Variants in AHDC1 observed in about 807,000 individuals in gnomAD.
AHDC1 encodes transcription factor Gibbin.
AHDC1 carries 7 observed loss-of-function variants against 87.9 expected under a neutral mutation model. The observed-to-expected ratio is 0.08, with a 90% CI of 0.05 to 0.15. The LOEUF (loss-of-function observed/expected upper bound fraction) is 0.15. Ranked by LOEUF, AHDC1 falls within the 10% of genes least tolerant of loss-of-function variation. The probability of loss-of-function intolerance (pLI) is 1.00; values close to 1 mark genes in which losing one functional copy is unlikely to be tolerated. For synonymous variants in AHDC1, 1,051 were observed against 1,006.8 expected (o/e 1.04, Z -0.83); for missense variants, 1,841 against 2,253.2 (o/e 0.82, Z 3.70).
rs2019447889 is a variant in AHDC1 at position 27,550,071 on chromosome 1, T to C, written c.2045A>G (p.His682Arg). Residue 682 changes from histidine (H) to arginine (R), a missense_variant, in exon 8 of 9, where the codon CAT becomes CGT. This residue lies in a region of AHDC1 where 236 missense variants were observed against 257.9 expected (regional missense o/e 0.92). Coordinates refer to ENST00000673934, the MANE Select transcript of AHDC1 (RefSeq NM_001371928.1). ...AGGFGGRGGG[H>R]AAKSARCSFS... is the part of the protein sequence containing the mutation. Reference sequence around the variant, plus strand: ...GGAGCATCGGGCTGACTTGGCCGCATGGCCCCCACCCCGGCCACCAAAACC... The same window carrying C: ...GGAGCATCGGGCTGACTTGGCCGCACGGCCCCCACCCCGGCCACCAAAACC... 4 of 1,607,478 alleles carry C rather than the reference T, an allele frequency of 2.5e-6. No homozygotes were observed. The highest frequency in any genetic ancestry group is 3.4e-6 in the Non-Finnish European group (4 of 1,176,552).
chr1:27,576,269 G>A (rs970337717), intron 3 of AHDC1, among the ~76,000 whole-genome samples: 2 of 152,164 alleles, frequency 1.3e-5, no homozygotes, highest in Non-Finnish European at 2.9e-5. Context: ...TTTGTTTGCT[G>A]TGTGCCTCTC....
intron 3 of AHDC1, among the ~76,000 whole-genome samples, chr1:27,573,412 G>A (rs992868867): frequency 2.1e-4 from 32 of 152,204 alleles, no homozygotes; most frequent in African/African-American, 7.2e-4. Flanking sequence ...AAAGACACTG[G>A]GGAGTAGGGT....
At chr1:27,557,431 C>T (rs1472397114) in intron 5 of AHDC1, among the ~76,000 whole-genome samples, 2 of 152,014 alleles carry the variant, frequency 1.3e-5, no homozygotes, top group Non-Finnish European at 2.9e-5. Flanking sequence ...CCCCGCTCCC[C>T]GCCCAGGTCT....
At chr1:27,552,368 T>G in intron 7 of AHDC1, 179 bp from the exon 8 acceptor site, 3 of 470,678 alleles carry the variant, frequency 6.4e-6, no homozygotes, top group Non-Finnish European at 6.8e-6. Flanking sequence ...AACCACCATG[T>G]GTATAGTGAG....
intron 3 of AHDC1, among the ~76,000 whole-genome samples, chr1:27,602,558 C>T (rs1221902139): frequency 6.6e-6 from 1 of 152,144 alleles, no homozygotes; most frequent in Non-Finnish European, 1.5e-5. Flanking sequence ...CCAGACCCAG[C>T]AGGGGAAGGC....
intron 3 of AHDC1, among the ~76,000 whole-genome samples, chr1:27,585,975 G>A (rs1057468782): frequency 7.2e-5 from 11 of 152,166 alleles, no homozygotes; most frequent in Middle Eastern, 3.2e-3. Flanking sequence ...TCATACCCCC[G>A]GATATGTCCA....
At chr1:27,594,616 G>A (rs1259057509) in intron 3 of AHDC1, among the ~76,000 whole-genome samples, 1 of 152,198 alleles carries the variant, frequency 6.6e-6, no homozygotes, top group African/African-American at 2.4e-5. Flanking sequence ...AAGGCCTGGG[G>A]CGGTGAAGGG....
intron 3 of AHDC1, among the ~76,000 whole-genome samples, chr1:27,589,315 G>A (rs1441883379): frequency 6.6e-6 from 1 of 152,188 alleles, no homozygotes; most frequent in Non-Finnish European, 1.5e-5. Flanking sequence ...GCACGCCTGT[G>A]CTCGTGTGAG....
In AHDC1 at chr1:27,602,168, C is replaced by CGGG. The variant is rs1306387481; in HGVS notation, c.-629+1228_-629+1229insCCC. On this transcript the variant is annotated intron_variant, in intron 3 of 8. Transcript: ENST00000673934. ...GCACCAGGCTCAGCCCCTCCCAGCC[C>CGGG]AGCCCCAGGGCCCCCAAGCTGGGAG... Among the ~76,000 whole-genome samples the CGGG allele has an allele frequency of 5.9e-5, 9 of 152,262 alleles. No individual in the cohort carries two copies. In the East Asian group the frequency reaches 1.7e-3, roughly 29 times the overall value.
At chr1:27,542,329 G>C (rs2018963110) in intron 8 of AHDC1, among the ~76,000 whole-genome samples, 1 of 152,192 alleles carries the variant, frequency 6.6e-6, no homozygotes, top group South Asian at 2.1e-4. Context: ...AGAACTAGGT[G>C]CTATCACAAA....
intron 8 of AHDC1, among the ~76,000 whole-genome samples, chr1:27,542,653 G>C (rs2018981291): frequency 2.6e-5 from 4 of 152,242 alleles, no homozygotes; most frequent in Admixed American, 2.0e-4. Context: ...GACTCACCAG[G>C]TCACCTAGCT....
At chr1:27,594,890 GCTGT>G (rs1297019206) in intron 3 of AHDC1, among the ~76,000 whole-genome samples, 5 of 152,092 alleles carry the variant, frequency 3.3e-5, no homozygotes, top group Admixed American at 6.5e-5. Flanking sequence ...ACTAGCTGAG[GCTGT>G]CTTTGTGTAC....
At chr1:27,536,112 C>T (rs1199729481) in intron 8 of AHDC1, among the ~76,000 whole-genome samples, 2 of 152,184 alleles carry the variant, frequency 1.3e-5, no homozygotes, top group Admixed American at 1.3e-4. Context: ...TCCCCCACAC[C>T]AGCAGGAATC....
Position 27,552,141 on chromosome 1 carries a change from C to T in AHDC1, c.-26G>A, listed in dbSNP as rs1426013840. On this transcript the variant is annotated 5_prime_UTR_variant, in exon 8 of 9. Coordinates refer to ENST00000673934, the MANE Select transcript of AHDC1 (RefSeq NM_001371928.1). ...CCTGACCTTGTCCTCCGCAGGCCGC[C>T]GGGCGGGGCCGGGGCTGACATGAGG... The T allele has an allele frequency of 4.2e-6, 6 of 1,434,692 alleles. No individual in the cohort carries two copies. The highest frequency in any genetic ancestry group is 4.6e-6 in the Non-Finnish European group (5 of 1,095,412). The allele number at this position is 1,434,692 out of a possible 1,614,324, so 88.9% of individuals were successfully genotyped here. A position where few individuals can be genotyped will look rare whatever the true frequency, so the allele number is the denominator to read the frequency against.
At chr1:27,543,381 C>G (rs2019017037) in intron 8 of AHDC1, among the ~76,000 whole-genome samples, 1 of 152,248 alleles carries the variant, frequency 6.6e-6, no homozygotes, top group African/African-American at 2.4e-5. Flanking sequence ...CCAAGGCCCC[C>G]TCCTTGCTTG....
intron 8 of AHDC1, among the ~76,000 whole-genome samples, chr1:27,546,716 C>A (rs1389169982): frequency 6.6e-6 from 1 of 152,128 alleles, no homozygotes; most frequent in Non-Finnish European, 1.5e-5. Context: ...AGTGTGTGAC[C>A]ACGCCACACT....
In AHDC1 at chr1:27,551,789, G is replaced by C. The variant is rs750135408; in HGVS notation, c.327C>G (p.Arg109=). The C allele has an allele frequency of 6.2e-7, 1 of 1,613,270 alleles. No homozygotes were observed. The highest frequency in any genetic ancestry group is 1.1e-5 in the South Asian group (1 of 91,068). ...TPVGDGSSSR[R]CWDNGRVNLR... is the part of the protein sequence containing the mutation. ...GGTTCACCCGCCCGTTGTCCCAGCA[G>C]CGTCGGGAGCTGCTGCCGTCTCCGA... The change falls in exon 8 of 9, where the codon CGC becomes CGG. Residue 109 remains arginine, a synonymous_variant. Transcript: ENST00000673934.
chr1:27,542,561 G>A (rs1027873793), intron 8 of AHDC1, among the ~76,000 whole-genome samples: 1 of 152,228 alleles, frequency 6.6e-6, no homozygotes, highest in Non-Finnish European at 1.5e-5. Flanking sequence ...GTGTACCAGG[G>A]ACCTGGCCAA....
In AHDC1 at chr1:27,600,869, GT is replaced by G. The variant is rs556867608; in HGVS notation, c.-629+2527del. Reference sequence around the variant, plus strand: ...AAGCCCATGCAGTGGGGGTAACAAAGTCCCCCAGCTCCCAAACCCCTTCCCC... The same window carrying G: ...AAGCCCATGCAGTGGGGGTAACAAAGCCCCCAGCTCCCAAACCCCTTCCCC... On this transcript the variant is annotated intron_variant, in intron 3 of 8. Transcript: ENST00000673934. Among the ~76,000 whole-genome samples, 548 of 152,212 alleles carry G rather than the reference GT, an allele frequency of 3.6e-3. 2 individuals are homozygous for G. The highest frequency in any genetic ancestry group is 6.3e-3 in the Non-Finnish European group (428 of 68,004).
Sources: gnomAD v4.1 joint callset for allele counts (sites outside exome capture counted in the v4.1 genomes callset) on GRCh38, gnomAD v4.1.1 for gene constraint, gnomAD v4.1.1 regional missense constraint, MANE v1.5 for transcripts, NCBI Gene and HGNC (gene_info 2026-07-23, HGNC 2026-07-21) for gene names.